The following SEMA6B variants were observed in gnomAD, a reference collection of about 807,000 sequenced individuals.
SEMA6B encodes the protein semaphorin 6B, also known as semaphorin-6B.
A neutral mutation model predicts 78.6 loss-of-function variants in SEMA6B; 47 were observed. That is an observed-to-expected ratio of 0.60 (90% CI 0.47 to 0.76). The LOEUF (loss-of-function observed/expected upper bound fraction) is 0.76, where lower values mean the gene tolerates loss of function less well. SEMA6B is among the 30% of genes least tolerant of loss of function. The pLI, the probability that SEMA6B is intolerant of heterozygous loss-of-function variation, is 0.00. For synonymous variants in SEMA6B, 632 were observed against 592.2 expected, an observed-to-expected ratio of 1.07 and a Z score of -0.98; for missense variants, 1,213 against 1,269.9, an observed-to-expected ratio of 0.96 and a Z score of 0.68.
chr19:4,549,683 T>C (rs1284321686), intron 12 of SEMA6B, among the ~76,000 whole-genome samples: 1 of 152,216 alleles, frequency 6.6e-6, no homozygotes, highest in Non-Finnish European at 1.5e-5. Context: ...TTTCACTGTG[T>C]TAACCAAGAT....
chr19:4,546,351 G>T (rs1288427893), intron 15 of SEMA6B, 41 bp downstream of exon 15: 2 of 1,589,530 alleles, frequency 1.3e-6, no homozygotes, highest in African/African-American at 2.7e-5. Flanking sequence ...ATCATGGGCG[G>T]GTCTGACACA....
At position 4,550,080 on chromosome 19, in the gene SEMA6B, C is replaced by T. The variant is rs754066708; in HGVS notation, c.1271+43G>A. On this transcript the variant is annotated intron_variant, in intron 12 of 16. Coordinates refer to ENST00000586582, the MANE Select transcript of SEMA6B (RefSeq NM_032108.4). The surrounding 1 kb of genome is among the most constrained non-coding windows in gnomAD (Gnocchi z 6.6). The stretch of plus-strand genomic sequence containing the variant: ...GGATCCTCTCACCCTCCATCTACCC[C>T]ATCCTGTCTCCCCTCGCCATGCCCT... 2 of 1,603,346 alleles carry T rather than the reference C, an allele frequency of 1.2e-6. No individual in the cohort carries two copies. The highest frequency in any genetic ancestry group is 1.3e-5 in the African/African-American group (1 of 74,864).
At position 4,544,422 on chromosome 19, in the gene SEMA6B, A is replaced by G. The variant is rs1977111285; in HGVS notation, c.1846T>C (p.Phe616Leu). The change falls in exon 17 of 17, where the codon TTC (phenylalanine) becomes CTC (leucine). Residue 616 changes from phenylalanine to leucine, a missense_variant. Coordinates refer to ENST00000586582, the MANE Select transcript of SEMA6B (RefSeq NM_032108.4). The surrounding 1 kb of genome is among the most constrained non-coding windows in gnomAD (Gnocchi z 5.1). ...AFVVGAVVSGFSVGWFVGLRE... is the reference protein window; with the variant it reads ...AFVVGAVVSGLSVGWFVGLRE... The stretch of plus-strand genomic sequence containing the variant: ...AGGCCCACGAACCAGCCCACGCTGA[A>G]GCCGGACACCACGGCTCCCACCACG... 1.2e-6 allele frequency: 2 copies of G among 1,604,014 alleles called. No homozygotes were observed. The highest frequency in any genetic ancestry group is 2.7e-5 in the African/African-American group (2 of 73,534).
At position 4,551,000 on chromosome 19, in the gene SEMA6B, A is replaced by G. The variant is rs1977317565; in HGVS notation, c.990-70T>C. 6 of 1,558,378 alleles carry G rather than the reference A, an allele frequency of 3.9e-6. No individual in the cohort carries two copies. In the South Asian group the frequency reaches 5.7e-5, roughly 15 times the overall value. On this transcript the variant is annotated intron_variant, in intron 10 of 16. Coordinates refer to ENST00000586582, the MANE Select transcript of SEMA6B (RefSeq NM_032108.4). This position sits in a 1 kb window ranked among gnomAD's most constrained non-coding sequence, Gnocchi z 6.6. ...CCCATCTCGGACAAGTGCGTGCAGGAGCCTCTGTCTGCAGGAGCCAGTGAA... is the reference window on the plus strand; with the variant it reads ...CCCATCTCGGACAAGTGCGTGCAGGGGCCTCTGTCTGCAGGAGCCAGTGAA...
Position 4,543,514 on chromosome 19 carries a change from A to T in SEMA6B, c.*87T>A. Reference sequence around the variant, plus strand: ...GGGGGGGACTTGAGCACCCACTCGGAGTTGCCCCGGGCCCCGGCGTTCTGG... The same window carrying T: ...GGGGGGGACTTGAGCACCCACTCGGTGTTGCCCCGGGCCCCGGCGTTCTGG... On this transcript the variant is annotated 3_prime_UTR_variant, in exon 17 of 17. Transcript: ENST00000586582. The T allele has an allele frequency of 1.6e-6, 1 of 617,802 alleles. No individual in the cohort carries two copies. The highest frequency in any genetic ancestry group is 2.3e-6 in the Non-Finnish European group (1 of 427,856). 38.3% of individuals were successfully genotyped at this position (617,802 alleles called of 1,614,324 possible). A position where few individuals can be genotyped will look rare whatever the true frequency, so the allele number is the denominator to read the frequency against.
intron 3 of SEMA6B, among the ~76,000 whole-genome samples, chr19:4,557,606 C>A (rs1399027400): frequency 2.0e-5 from 3 of 152,214 alleles, no homozygotes; most frequent in African/African-American, 7.2e-5. Context: ...TCCTCCTCAT[C>A]CTCTCCAAAG....
chr19:4,544,525 G>T lies in SEMA6B; in HGVS notation c.1743C>A (p.Leu581=). Residue 581 remains leucine (L), a synonymous_variant, in exon 17 of 17, where the codon CTC becomes CTA. Transcript: ENST00000586582. This position sits in a 1 kb window ranked among gnomAD's most constrained non-coding sequence, Gnocchi z 5.1. ...STSGLGDCTG[L]LRASLSEDRA... The stretch of plus-strand genomic sequence containing the variant: ...GGTCCTCGGAGAGGCTGGCCCGCAG[G>T]AGTCCTGGCCGGGGAGCACAGGGGG... The T allele has an allele frequency of 6.5e-7, 1 of 1,528,466 alleles. No individual in the cohort carries two copies. Among genetic ancestry groups the T allele is most frequent in the Non-Finnish European group, 8.8e-7 (1 of 1,134,888 alleles). 94.7% of individuals were successfully genotyped at this position (1,528,466 alleles called of 1,614,324 possible).
At position 4,557,181 on chromosome 19, in the gene SEMA6B, C is replaced by T. The variant is rs768794585; in HGVS notation, c.288G>A (p.Thr96=). The T allele has an allele frequency of 3.1e-6, 5 of 1,608,658 alleles. No individual in the cohort carries two copies. In the South Asian group the frequency reaches 5.5e-5, roughly 18 times the overall value. Residue 96 remains threonine (T), a synonymous_variant, in exon 4 of 17, where the codon ACG becomes ACA. Transcript: ENST00000586582. ...YRVELEPPTS[T]ELRYQRKLTW... ...TCCTCACCCTCTGGTACCGCAGCTC[C>T]GTGGACGTGGGGGGCTCCAGCTCTA...
Position 4,544,503 on chromosome 19 carries a change from C to A in SEMA6B, c.1765G>T (p.Asp589Tyr), listed in dbSNP as rs766674899. The A allele has an allele frequency of 6.4e-6, 10 of 1,563,094 alleles. No homozygotes were observed. The highest frequency in any genetic ancestry group is 2.8e-5 in the African/African-American group (2 of 71,036). Reference sequence around the variant, plus strand: ...TTCACCGACACCAGCCCCGCGCGGTCCTCGGAGAGGCTGGCCCGCAGGAGT... The same window carrying A: ...TTCACCGACACCAGCCCCGCGCGGTACTCGGAGAGGCTGGCCCGCAGGAGT... ...TGLLRASLSE[D>Y]RAGLVSVNLL... Residue 589 changes from aspartate to tyrosine, a missense_variant, in exon 17 of 17, where the codon GAC becomes TAC. By Grantham distance (160) the Asp-to-Tyr change is radical. Coordinates refer to ENST00000586582, the MANE Select transcript of SEMA6B (RefSeq NM_032108.4). This position sits in a 1 kb window ranked among gnomAD's most constrained non-coding sequence, Gnocchi z 5.1.
chr19:4,547,769 C>T (rs1353718429), intron 14 of SEMA6B, among the ~76,000 whole-genome samples: 8 of 141,500 alleles, frequency 5.7e-5, no homozygotes, highest in African/African-American at 2.2e-4. Context: ...CAAACTGCCT[C>T]GTCCTCTCCC....
At chr19:4,557,633 T>A (rs1599784006) in intron 3 of SEMA6B, among the ~76,000 whole-genome samples, 1 of 152,044 alleles carries the variant, frequency 6.6e-6, no homozygotes, top group East Asian at 1.9e-4. Flanking sequence ...ATCTGTCCGG[T>A]CTCTCTCCTT....
At chr19:4,549,297 CTCT>C (rs1977255069) in intron 12 of SEMA6B, among the ~76,000 whole-genome samples, 1 of 112,598 alleles carries the variant, frequency 8.9e-6, no homozygotes, top group Admixed American at 8.7e-5. Context: ...GTCTGTCTAC[CTCT>C]TTTTTTTTTT....
At chr19:4,554,152 G>A (rs1366849886) in intron 9 of SEMA6B, among the ~76,000 whole-genome samples, 1 of 152,116 alleles carries the variant, frequency 6.6e-6, no homozygotes. Context: ...AACAGCAACA[G>A]CACCAGGTGT....
Position 4,544,149 on chromosome 19 carries a change from G to A in SEMA6B, c.2119C>T (p.Leu707=). ...GGPHDLDSGL[L]PTPEQTPLPQ... ...AGCGGCGTCTGCTCGGGCGTGGGCA[G>A]CAGCCCCGAGTCCAGGTCGTGGGGC... Residue 707 remains leucine, a synonymous_variant, in exon 17 of 17, where the codon CTG becomes TTG. Transcript: ENST00000586582. This position sits in a 1 kb window ranked among gnomAD's most constrained non-coding sequence, Gnocchi z 5.1. 7.9e-7 allele frequency: 1 copy of A among 1,273,198 alleles called. No homozygotes were observed. The highest frequency in any genetic ancestry group is 9.9e-7 in the Non-Finnish European group (1 of 1,011,872). 78.9% of individuals were successfully genotyped at this position (1,273,198 alleles called of 1,614,324 possible).
Position 4,543,915 on chromosome 19 carries a change from C to T in SEMA6B, c.2353G>A (p.Gly785Ser). 2.5e-6 allele frequency: 3 copies of T among 1,201,398 alleles called. No homozygotes were observed. The highest frequency in any genetic ancestry group is 3.1e-6 in the Non-Finnish European group (3 of 969,024). The allele number at this position is 1,201,398 out of a possible 1,614,324, so 74.4% of individuals were successfully genotyped here. The change falls in exon 17 of 17, where the codon GGC becomes AGC. Residue 785 changes from glycine (G) to serine (S), a missense_variant. Transcript: ENST00000586582. ...GCGTGGGGGGTGAGCGGGAAGTCGC[C>T]GTGGGAGGCGCGGCCGGGCCGGGCA... Reference protein sequence around the residue: ...YAARPGRASHGDFPLTPHASP... With the variant: ...YAARPGRASHSDFPLTPHASP...
chr19:4,549,697 C>T (rs2145350286), intron 12 of SEMA6B, among the ~76,000 whole-genome samples: 1 of 152,340 alleles, frequency 6.6e-6, no homozygotes, highest in South Asian at 2.1e-4. Context: ...CCAAGATGGT[C>T]TCCATCTCCT....
In SEMA6B at chr19:4,546,205, C is replaced by A; in HGVS notation, c.1738+11G>T. 1 of 1,602,314 alleles carries A rather than the reference C, an allele frequency of 6.2e-7. No individual in the cohort carries two copies. On this transcript the variant is annotated intron_variant, in intron 16 of 16. Transcript: ENST00000586582. Reference sequence around the variant, plus strand: ...GGATGGGGGTCTTAGCCTGCCGTCCCCCCAACTCACCTGTGCAGTCCCCTA... The same window carrying A: ...GGATGGGGGTCTTAGCCTGCCGTCCACCCAACTCACCTGTGCAGTCCCCTA...
Position 4,546,488 on chromosome 19 carries a change from C to T in SEMA6B, c.1602-19G>A, listed in dbSNP as rs575900496. On this transcript the variant is annotated intron_variant, in intron 14 of 16. Coordinates refer to ENST00000586582, the MANE Select transcript of SEMA6B (RefSeq NM_032108.4). ...ACAGTTCCTAGAGCAGACCAGGGACCGAATGGGACAAGTGTCCAAGTCACT... is the reference window on the plus strand; with the variant it reads ...ACAGTTCCTAGAGCAGACCAGGGACTGAATGGGACAAGTGTCCAAGTCACT... 109 of 1,531,018 alleles carry T rather than the reference C, an allele frequency of 7.1e-5. No individual in the cohort carries two copies. Among genetic ancestry groups the T allele is most frequent in the Non-Finnish European group, 9.0e-5 (102 of 1,133,500 alleles). 94.8% of individuals were successfully genotyped at this position (1,531,018 alleles called of 1,614,324 possible).
Position 4,542,885 on chromosome 19 carries a change from C to T in SEMA6B, c.*716G>A. ...TCCTGCCTGAAACCCCGGCATTGTC[C>T]CCGCTTCCCTCTGCAGAGTGGGGGG... On this transcript the variant is annotated 3_prime_UTR_variant, in exon 17 of 17. Coordinates refer to ENST00000586582, the MANE Select transcript of SEMA6B (RefSeq NM_032108.4). The T allele has an allele frequency of 2.9e-6, 2 of 701,490 alleles. No homozygotes were observed. The highest frequency in any genetic ancestry group is 2.7e-5 in the East Asian group (1 of 37,260). The allele number at this position is 701,490 out of a possible 1,614,324, so 43.5% of individuals were successfully genotyped here.
Sources: allele counts gnomAD v4.1 joint callset (sites outside exome capture counted in the v4.1 genomes callset), GRCh38; gene constraint gnomAD v4.1.1; non-coding constraint Gnocchi (gnomAD v3.1); transcripts MANE v1.5; gene names NCBI Gene and HGNC (gene_info 2026-07-23, HGNC 2026-07-21).